The following PCDHGA6 variants were observed in gnomAD, a reference collection of about 807,000 sequenced individuals.
The protein encoded by PCDHGA6 is protocadherin gamma subfamily A, 6.
PCDHGA6 carries 41 observed loss-of-function variants against 60.6 expected under a neutral mutation model. The observed-to-expected ratio is 0.68, with a 90% CI of 0.53 to 0.88. The LOEUF is 0.88. PCDHGA6 is among the 40% of genes least tolerant of loss of function. The pLI is 0.00. For missense variants in PCDHGA6, 1,312 were observed against 1,203.0 expected (o/e 1.09, Z -1.34); for synonymous variants, 594 against 524.4 (o/e 1.13, Z -1.81).
At chr5:141,421,318 C>A (rs370020854) in intron 1 of PCDHGA6, 1 of 1,613,822 alleles carries the variant, frequency 6.2e-7, no homozygotes. Context: ...CCGGGCCAGG[C>A]AGATCCGATA....
At chr5:141,414,015 A>C in intron 1 of PCDHGA6, 1 of 1,613,160 alleles carries the variant, frequency 6.2e-7, no homozygotes, top group South Asian at 1.1e-5. Context: ...CCAATGGAGA[A>C]GTGACATATT....
intron 1 of PCDHGA6, chr5:141,430,641 T>G: frequency 1.1e-6 from 1 of 902,670 alleles, no homozygotes. Context: ...TCCCTGGGAG[T>G]ATGTGGAAAC....
In PCDHGA6 at chr5:141,389,561, G is replaced by A. The variant is rs115696241; in HGVS notation, c.2424+13054G>A. On this transcript the variant is annotated intron_variant, in intron 1 of 3. Transcript: ENST00000517434. Reference sequence around the variant, plus strand: ...ACGACCGCAACGACAATGCGCCACGGGTGCTGTACCCCGCGCTGGGTCCCG... The same window carrying A: ...ACGACCGCAACGACAATGCGCCACGAGTGCTGTACCCCGCGCTGGGTCCCG... 3,114 of 1,613,258 alleles carry A rather than the reference G, an allele frequency of 1.9e-3. 62 individuals carry two copies. The African/African-American group carries it at 0.034, about 18-fold the overall frequency.
intron 1 of PCDHGA6, chr5:141,413,227 G>A (rs552225139): frequency 1.9e-5 from 30 of 1,613,938 alleles, no homozygotes; most frequent in Non-Finnish European, 2.5e-5. Flanking sequence ...CAGCGGGCTG[G>A]TCCTGCTCTG....
chr5:141,449,095 T>C (rs2098628347), intron 1 of PCDHGA6, among the ~76,000 whole-genome samples: 1 of 152,204 alleles, frequency 6.6e-6, no homozygotes. Flanking sequence ...AGTTTTTACA[T>C]ATGCAGTATA....
intron 1 of PCDHGA6, among the ~76,000 whole-genome samples, chr5:141,492,341 C>T (rs2099739551): frequency 6.6e-6 from 1 of 152,222 alleles, no homozygotes; most frequent in East Asian, 1.9e-4. Flanking sequence ...CGAATACCAG[C>T]TTTCACTGCC....
At position 141,486,415 on chromosome 5, in the gene PCDHGA6, T is replaced by C. The variant is rs745877804; in HGVS notation, c.2425-8392T>C. On this transcript the variant is annotated intron_variant, in intron 1 of 3. Transcript: ENST00000517434. The surrounding 1 kb of genome is among the most constrained non-coding windows in gnomAD (Gnocchi z 5.0). ...CCCTGGTGACTGCTGGACCCTTGGA[T>C]CGAGAGGCCAAATCTAGCTATGACA... 6.2e-7 allele frequency: 1 copy of C among 1,614,176 alleles called. No individual in the cohort carries two copies. The highest frequency in any genetic ancestry group is 8.5e-7 in the Non-Finnish European group (1 of 1,180,022).
intron 1 of PCDHGA6, chr5:141,419,306 C>A: frequency 1.9e-6 from 3 of 1,614,032 alleles, no homozygotes; most frequent in Non-Finnish European, 2.5e-6. Context: ...AGACTTCGGG[C>A]TCAACGGCCG....
intron 1 of PCDHGA6, chr5:141,414,637 A>G: frequency 5.6e-6 from 9 of 1,613,894 alleles, no homozygotes; most frequent in Non-Finnish European, 6.8e-6. Context: ...CAGCAAAGAG[A>G]ATGCCCAGAT....
At chr5:141,392,751 A>T in intron 1 of PCDHGA6, 1 of 1,453,336 alleles carries the variant, frequency 6.9e-7, no homozygotes, top group South Asian at 1.5e-5. Flanking sequence ...CTGCGGCAAG[A>T]AACTAAATAA....
At chr5:141,484,626 C>T (rs1306600907) in intron 1 of PCDHGA6, among the ~76,000 whole-genome samples, 1 of 151,972 alleles carries the variant, frequency 6.6e-6, no homozygotes, top group African/African-American at 2.4e-5. Context: ...CTGGCTTGAA[C>T]AAAGTGACCA....
At chr5:141,460,872 T>C (rs2098999714) in intron 1 of PCDHGA6, among the ~76,000 whole-genome samples, 1 of 151,064 alleles carries the variant, frequency 6.6e-6, no homozygotes, top group South Asian at 2.1e-4. Flanking sequence ...GCAAAGGACA[T>C]TATTTCATGC....
At chr5:141,504,785 G>A (rs1439244687) in intron 2 of PCDHGA6, among the ~76,000 whole-genome samples, 1 of 151,964 alleles carries the variant, frequency 6.6e-6, no homozygotes, top group East Asian at 1.9e-4. Context: ...GTCTCTTGGG[G>A]CCTCCTACAT....
intron 1 of PCDHGA6, among the ~76,000 whole-genome samples, chr5:141,467,211 C>G (rs1288732759): frequency 6.6e-6 from 1 of 152,068 alleles, no homozygotes; most frequent in Non-Finnish European, 1.5e-5. Context: ...TGCCACCATG[C>G]CTGGCTAATT....
At chr5:141,418,441 A>T in intron 1 of PCDHGA6, 2 of 1,614,000 alleles carry the variant, frequency 1.2e-6, no homozygotes, top group East Asian at 4.5e-5. Flanking sequence ...ATCCAGAATT[A>T]GTATTGCAGA....
At chr5:141,463,367 C>G (rs1437952082) in intron 1 of PCDHGA6, among the ~76,000 whole-genome samples, 1 of 151,748 alleles carries the variant, frequency 6.6e-6, no homozygotes, top group African/African-American at 2.4e-5. Context: ...CCTTTCCTGC[C>G]CCACAGTCTG....
At position 141,432,807 on chromosome 5, in the gene PCDHGA6, ACT is replaced by A. The variant is rs542925824; in HGVS notation, c.2424+56303_2424+56304del. On this transcript the variant is annotated intron_variant, in intron 1 of 3. Coordinates refer to ENST00000517434, the MANE Select transcript of PCDHGA6 (RefSeq NM_018919.3). This position sits in a 1 kb window ranked among gnomAD's most constrained non-coding sequence, Gnocchi z 6.0. ...CTCGGCAGCCTCGAGTCTCCAGCTA[ACT>A]CTGAAACCTCAGACCTCACTCTGTA... 352 of 1,613,946 alleles carry A rather than the reference ACT, an allele frequency of 2.2e-4. 2 individuals carry two copies. The African/African-American group carries it at 4.2e-3, about 19-fold the overall frequency.
chr5:141,439,531 G>T (rs1474855779), intron 1 of PCDHGA6, among the ~76,000 whole-genome samples: 1 of 152,126 alleles, frequency 6.6e-6, no homozygotes, highest in Non-Finnish European at 1.5e-5. Context: ...TCTACAGAAC[G>T]CTGTCCTCTC....
chr5:141,376,294 C>G lies in PCDHGA6; in HGVS notation c.2211C>G (p.Gly737=), dbSNP rs572453488. Reference sequence around the variant, plus strand: ...GAGGTGGCTTAGCGAGCATGCCCGGCTCGCACTTTGTGGGCGTGGAAGGGG... The same window carrying G: ...GAGGTGGCTTAGCGAGCATGCCCGGGTCGCACTTTGTGGGCGTGGAAGGGG... ...ASGGGLASMP[G]SHFVGVEGVR... is the part of the protein sequence containing the mutation. Residue 737 remains glycine (G), a synonymous_variant, in exon 1 of 4, where the codon GGC becomes GGG. Transcript: ENST00000517434. 8.7e-6 allele frequency: 14 copies of G among 1,614,226 alleles called. No individual in the cohort carries two copies. The Admixed American group carries it at 2.3e-4, about 27-fold the overall frequency.
Sources: allele counts gnomAD v4.1 joint callset (sites outside exome capture counted in the v4.1 genomes callset), GRCh38; gene constraint gnomAD v4.1.1; non-coding constraint Gnocchi (gnomAD v3.1); transcripts MANE v1.5; gene names NCBI Gene and HGNC (gene_info 2026-07-23, HGNC 2026-07-21).